The following KCNT1 variants were observed in gnomAD, a reference collection of about 807,000 sequenced individuals.
The protein encoded by KCNT1 is potassium channel subfamily T member 1.
In KCNT1, 78 loss-of-function variants were observed where a neutral mutation model predicts 147.8. The ratio of observed to expected loss-of-function variants is 0.53; its 90% CI spans 0.44 to 0.64. The LOEUF is 0.64. KCNT1 is among the 30% of genes least tolerant of loss of function. The probability of loss-of-function intolerance (pLI) is 0.00; values close to 1 mark genes in which losing one functional copy is unlikely to be tolerated. For synonymous variants in KCNT1, 867 were observed against 748.8 expected (o/e 1.16, Z -2.58); for missense variants, 1,419 against 1,750.3 (o/e 0.81, Z 3.38).
At chr9:135,780,552 G>A (rs942043742) in intron 24 of KCNT1, among the ~76,000 whole-genome samples, 12 of 152,340 alleles carry the variant, frequency 7.9e-5, no homozygotes, top group South Asian at 2.1e-4. Flanking sequence ...AGAGGAGGCC[G>A]GGCTGGGCAG....
chr9:135,725,735 C>T (rs1377853911), intron 2 of KCNT1, among the ~76,000 whole-genome samples: 2 of 152,226 alleles, frequency 1.3e-5, no homozygotes, highest in Non-Finnish European at 2.9e-5. Context: ...TGTGGCTGCC[C>T]TTGCTGGGTT....
chr9:135,763,746 T>TA (rs1832068398), intron 11 of KCNT1, among the ~76,000 whole-genome samples: 1 of 152,156 alleles, frequency 6.6e-6, no homozygotes, highest in Admixed American at 6.5e-5. Flanking sequence ...TGCAGAGACC[T>TA]ATTTCCAATC....
In KCNT1 at chr9:135,791,650, G is replaced by C. The variant is rs1588421995; in HGVS notation, c.3503-147G>C. On this transcript the variant is annotated intron_variant, in intron 29 of 30. Coordinates refer to ENST00000371757, the MANE Select transcript of KCNT1 (RefSeq NM_020822.3). ...TCGGTCAGGGATGGGCCCTGGCTGG[G>C]CTCACCAGGATGAGGTGCTGGAGCA... is the stretch of plus-strand genomic sequence containing the variant. 18 of 701,632 alleles carry C rather than the reference G, an allele frequency of 2.6e-5. No individual in the cohort carries two copies. In the East Asian group the frequency reaches 4.4e-4, roughly 17 times the overall value. The allele number at this position is 701,632 out of a possible 1,614,324, so 43.5% of individuals were successfully genotyped here.
chr9:135,762,060 C>G (rs964901063), intron 11 of KCNT1, among the ~76,000 whole-genome samples: 1 of 152,274 alleles, frequency 6.6e-6, no homozygotes, highest in East Asian at 1.9e-4. Context: ...CCATGTCCCT[C>G]TGCTGCGTCC....
chr9:135,789,725 G>C (rs1377740274), intron 29 of KCNT1: 1 of 152,252 alleles, frequency 6.6e-6, no homozygotes, highest in Non-Finnish European at 1.5e-5. Context: ...CTGAGGCCTG[G>C]AGTAAAGGTC....
intron 28 of KCNT1, chr9:135,785,647 G>A (rs1308041978): frequency 3.6e-6 from 2 of 562,258 alleles, no homozygotes; most frequent in Admixed American, 3.1e-5. Context: ...GGCCTGACCA[G>A]CCCCCAGCCT....
chr9:135,711,984 G>T (rs939563575), intron 1 of KCNT1, among the ~76,000 whole-genome samples: 5 of 152,238 alleles, frequency 3.3e-5, no homozygotes, highest in Non-Finnish European at 7.3e-5. Context: ...GAGCATACAG[G>T]CTCAGGGAGG....
At chr9:135,781,308 C>T (rs1833593287) in intron 24 of KCNT1, among the ~76,000 whole-genome samples, 1 of 152,188 alleles carries the variant, frequency 6.6e-6, no homozygotes, top group South Asian at 2.1e-4. Flanking sequence ...GCCCTGGGCC[C>T]TGGGCAGGGC....
In KCNT1 at chr9:135,791,618, ACAGGTGTCGGT is replaced by A. The variant is rs1050165533; in HGVS notation, c.3503-174_3503-164del. The A allele has an allele frequency of 6.7e-6, 4 of 600,426 alleles. No homozygotes were observed. The African/African-American group carries it at 7.4e-5, about 11-fold the overall frequency. 37.2% of individuals were successfully genotyped at this position (600,426 alleles called of 1,614,324 possible). ...GTCCCCTGCCCTGTGTGGAGATGGGACAGGTGTCGGTCAGGGATGGGCCCTGGCTGGGCTCA... is the reference window on the plus strand; with the variant it reads ...GTCCCCTGCCCTGTGTGGAGATGGGACAGGGATGGGCCCTGGCTGGGCTCA... On this transcript the variant is annotated intron_variant, in intron 29 of 30. Transcript: ENST00000371757.
chr9:135,705,273 C>T (rs1835206672), intron 1 of KCNT1, among the ~76,000 whole-genome samples: 1 of 152,188 alleles, frequency 6.6e-6, no homozygotes, highest in East Asian at 1.9e-4. Context: ...CAGGTGCCAT[C>T]GGCCCTGGAA....
At chr9:135,728,782 T>C (rs1488566823) in intron 2 of KCNT1, among the ~76,000 whole-genome samples, 1 of 152,218 alleles carries the variant, frequency 6.6e-6, no homozygotes. Context: ...AGGAGTGTTT[T>C]GCCGGGTCTG....
intron 2 of KCNT1, among the ~76,000 whole-genome samples, chr9:135,744,567 G>A (rs1406668646): frequency 6.6e-6 from 1 of 152,254 alleles, no homozygotes; most frequent in Non-Finnish European, 1.5e-5. Context: ...GACCTGCTGA[G>A]TGACTGGGGC....
At chr9:135,732,668 C>T (rs1830149067) in intron 2 of KCNT1, among the ~76,000 whole-genome samples, 1 of 152,074 alleles carries the variant, frequency 6.6e-6, no homozygotes, top group Admixed American at 6.6e-5. Context: ...ACACAGTGCC[C>T]AAATTCCTCC....
chr9:135,741,489 C>G (rs1034531375), intron 2 of KCNT1, among the ~76,000 whole-genome samples: 2 of 152,258 alleles, frequency 1.3e-5, no homozygotes, highest in African/African-American at 4.8e-5. Flanking sequence ...GCCGGACAAA[C>G]ACGCAGAATC....
At chr9:135,759,598 C>T (rs1413087316) in intron 10 of KCNT1, 81 bp from the exon 11 acceptor site, 15 of 1,454,780 alleles carry the variant, frequency 1.0e-5, no homozygotes, top group Admixed American at 4.6e-5. Context: ...GTGAGGGTCC[C>T]GTGGGCAGGC....
At chr9:135,750,456 G>A (rs1564344409) in intron 3 of KCNT1, 2 of 530,466 alleles carry the variant, frequency 3.8e-6, no homozygotes, top group Admixed American at 3.1e-5. Flanking sequence ...CACCAGGCTG[G>A]GTGGGGCAGG....
At chr9:135,777,201 C>T in intron 20 of KCNT1, 137 bp from the exon 21 acceptor site, 1 of 864,414 alleles carries the variant, frequency 1.2e-6, no homozygotes. Context: ...CGTGTGCAGG[C>T]CGTGAAAGGG....
chr9:135,784,081 G>C lies in KCNT1; in HGVS notation c.2899G>C (p.Gly967Arg). Residue 967 changes from glycine (G) to arginine (R), a missense_variant, in exon 25 of 31, where the codon GGC (glycine) becomes CGC (arginine). Gly to Arg is a moderately radical substitution (Grantham distance 125). Around this residue, in one of 5 missense-constraint regions of KCNT1, gnomAD observed 247 missense variants for 397.1 expected, o/e 0.62. Transcript: ENST00000371757. Reference sequence around the variant, plus strand: ...CATGTTCCGCCTGCCGTTCGCCGCCGGCCGCGTCTTCAGCATCAGCATGTT... The same window carrying C: ...CATGTTCCGCCTGCCGTTCGCCGCCCGCCGCGTCTTCAGCATCAGCATGTT... The part of the protein sequence containing the change: ...AFMFRLPFAA[G>R]RVFSISMLDT... 1 of 1,606,062 alleles carries C rather than the reference G, an allele frequency of 6.2e-7. No individual in the cohort carries two copies.
chr9:135,703,741 C>G (rs1005524216), intron 1 of KCNT1, among the ~76,000 whole-genome samples: 1 of 152,238 alleles, frequency 6.6e-6, no homozygotes, highest in African/African-American at 2.4e-5. Flanking sequence ...GAGTTTATCA[C>G]CTACCCTGCT....
Sources: allele counts gnomAD v4.1 joint callset (sites outside exome capture counted in the v4.1 genomes callset), GRCh38; gene constraint gnomAD v4.1.1; regional missense constraint gnomAD v4.1.1; transcripts MANE v1.5; gene names NCBI Gene and HGNC (gene_info 2026-07-23, HGNC 2026-07-21).